Variants in LHFPL3 observed in about 807,000 individuals in gnomAD.
LHFPL3 encodes LHFPL tetraspan subfamily member 3, also known as LHFPL tetraspan subfamily member 3 protein.
A neutral mutation model predicts 19.3 loss-of-function variants in LHFPL3; 5 were observed. That is an observed-to-expected ratio of 0.26 (90% CI 0.14 to 0.54). The LOEUF (loss-of-function observed/expected upper bound fraction) is 0.54, where lower values mean the gene tolerates loss of function less well. LHFPL3 is among the 20% of genes least tolerant of loss of function. LHFPL3 has a pLI of 0.94. For synonymous variants in LHFPL3, 133 were observed against 126.2 expected (o/e 1.05, Z -0.36); for missense variants, 249 against 307.4 (o/e 0.81, Z 1.42).
At position 104,578,512 on chromosome 7, in the gene LHFPL3, G is replaced by A. The variant is rs6974875; in HGVS notation, c.446-158163G>A. ...GCACCTGAAAAAATTTTAAAGACTT[G>A]AAGAGTTTGATATTATAATGTATGA... is the stretch of plus-strand genomic sequence containing the variant. On this transcript the variant is annotated intron_variant, in intron 1 of 2. Coordinates refer to ENST00000424859, the MANE Select transcript of LHFPL3 (RefSeq NM_199000.3). 8.9e-3 allele frequency among the ~76,000 whole-genome samples: 1,361 copies of A among 152,250 alleles called. 24 individuals are homozygous for A. The highest frequency in any genetic ancestry group is 0.031 in the African/African-American group (1,307 of 41,528).
At chr7:104,885,197 G>T (rs997666731) in intron 2 of LHFPL3, among the ~76,000 whole-genome samples, 3 of 152,202 alleles carry the variant, frequency 2.0e-5, no homozygotes, top group African/African-American at 7.2e-5. Context: ...GTTCATGGAG[G>T]AGGGGTAGTA....
chr7:104,454,955 A>G (rs559334702), intron 1 of LHFPL3, among the ~76,000 whole-genome samples: 1 of 152,306 alleles, frequency 6.6e-6, no homozygotes, highest in African/African-American at 2.4e-5. Context: ...CTAAATGGAA[A>G]GGAAATGAGG....
chr7:104,843,787 C>T (rs1260538684), intron 2 of LHFPL3, among the ~76,000 whole-genome samples: 1 of 152,036 alleles, frequency 6.6e-6, no homozygotes, highest in African/African-American at 2.4e-5. Flanking sequence ...AGCTATCAGT[C>T]AGATAGGAGG....
intron 1 of LHFPL3, among the ~76,000 whole-genome samples, chr7:104,565,635 C>T (rs1790104290): frequency 6.6e-6 from 1 of 152,026 alleles, no homozygotes; most frequent in South Asian, 2.1e-4. Context: ...AACCATTAAA[C>T]AAATGCATGC....
At chr7:104,456,841 A>G (rs949349196) in intron 1 of LHFPL3, among the ~76,000 whole-genome samples, 2 of 152,214 alleles carry the variant, frequency 1.3e-5, no homozygotes, top group Non-Finnish European at 2.9e-5. Flanking sequence ...TCATGTCCCA[A>G]GGTGTGAGAT....
intron 1 of LHFPL3, among the ~76,000 whole-genome samples, chr7:104,445,667 C>A (rs1383918482): frequency 2.0e-5 from 3 of 152,166 alleles, no homozygotes; most frequent in Non-Finnish European, 4.4e-5. Context: ...GTCTGGTTAC[C>A]TCCTTTTTTA....
intron 1 of LHFPL3, among the ~76,000 whole-genome samples, chr7:104,617,551 G>C (rs1320950329): frequency 2.0e-5 from 3 of 152,156 alleles, no homozygotes; most frequent in African/African-American, 7.2e-5. Flanking sequence ...TGGATACAAA[G>C]AGGAAAATCT....
chr7:104,697,628 G>C (rs929557755), intron 1 of LHFPL3, among the ~76,000 whole-genome samples: 1 of 152,200 alleles, frequency 6.6e-6, no homozygotes, highest in Non-Finnish European at 1.5e-5. Flanking sequence ...ATAACAAGTG[G>C]TGTATTTTGG....
intron 1 of LHFPL3, among the ~76,000 whole-genome samples, chr7:104,402,504 T>C (rs1259255983): frequency 2.0e-5 from 3 of 152,236 alleles, no homozygotes; most frequent in Admixed American, 6.5e-5. Context: ...AATAGCCATG[T>C]TCTATTGTGT....
rs1791819509 is a variant in LHFPL3 at position 104,640,835 on chromosome 7, T to G, written c.446-95840T>G. On this transcript the variant is annotated intron_variant, in intron 1 of 2. Transcript: ENST00000424859. ...TTCCTTATTCCCTAAATAAGGAAAATGTGAGCAATGATCTTGGACACTTGG... is the reference window on the plus strand; with the variant it reads ...TTCCTTATTCCCTAAATAAGGAAAAGGTGAGCAATGATCTTGGACACTTGG... Among the ~76,000 whole-genome samples the G allele has an allele frequency of 2.6e-5, 4 of 152,196 alleles. No individual in the cohort carries two copies. In the South Asian group the frequency reaches 8.3e-4, roughly 31 times the overall value.
chr7:104,836,348 T>G (rs982720695), intron 2 of LHFPL3, among the ~76,000 whole-genome samples: 4 of 152,102 alleles, frequency 2.6e-5, no homozygotes, highest in Non-Finnish European at 4.4e-5. Context: ...TGGAGGGACA[T>G]CTGATTTACA....
At chr7:104,674,592 C>T (rs1792556487) in intron 1 of LHFPL3, among the ~76,000 whole-genome samples, 1 of 152,064 alleles carries the variant, frequency 6.6e-6, no homozygotes, top group Non-Finnish European at 1.5e-5. Context: ...TGGTCTCGAT[C>T]TCCTGACCTC....
At chr7:104,778,837 G>A (rs1051657892) in intron 2 of LHFPL3, among the ~76,000 whole-genome samples, 2 of 152,184 alleles carry the variant, frequency 1.3e-5, no homozygotes, top group Admixed American at 1.3e-4. Flanking sequence ...CTCTAAAATG[G>A]AGATAATGAT....
At chr7:104,402,389 G>A (rs1257748460) in intron 1 of LHFPL3, among the ~76,000 whole-genome samples, 2 of 152,182 alleles carry the variant, frequency 1.3e-5, no homozygotes, top group South Asian at 2.1e-4. Flanking sequence ...GGCTTTTGAC[G>A]ATTGATTTTG....
intron 1 of LHFPL3, among the ~76,000 whole-genome samples, chr7:104,501,220 G>A (rs1275557896): frequency 6.6e-6 from 1 of 152,056 alleles, no homozygotes; most frequent in African/African-American, 2.4e-5. Flanking sequence ...TTAATCATAG[G>A]TATATTTCCA....
chr7:104,518,250 G>T (rs938332924), intron 1 of LHFPL3, among the ~76,000 whole-genome samples: 36 of 152,164 alleles, frequency 2.4e-4, no homozygotes, highest in Admixed American at 2.0e-4. Flanking sequence ...TAATTCAGAA[G>T]AAAAATTTTA....
chr7:104,440,554 A>G (rs576393033), intron 1 of LHFPL3, among the ~76,000 whole-genome samples: 2 of 152,236 alleles, frequency 1.3e-5, no homozygotes, highest in African/African-American at 4.8e-5. Context: ...CCTAGAACTT[A>G]AAGTATAATA....
intron 1 of LHFPL3, among the ~76,000 whole-genome samples, chr7:104,665,313 C>T (rs929624608): frequency 3.3e-5 from 5 of 152,116 alleles, no homozygotes; most frequent in African/African-American, 1.2e-4. Context: ...CAACTGGGTC[C>T]GTCCATGAAG....
intron 1 of LHFPL3, among the ~76,000 whole-genome samples, chr7:104,456,252 A>G (rs965484257): frequency 8.5e-5 from 13 of 152,366 alleles, no homozygotes; most frequent in African/African-American, 2.9e-4. Flanking sequence ...AACTCAAGAT[A>G]GAGCCGTCAG....
Sources: allele counts gnomAD v4.1 joint callset (sites outside exome capture counted in the v4.1 genomes callset), GRCh38; gene constraint gnomAD v4.1.1; transcripts MANE v1.5; gene names NCBI Gene and HGNC (gene_info 2026-07-23, HGNC 2026-07-21).